CPAP: variants seen among roughly 807,000 people sequenced by gnomAD.
The protein encoded by CPAP is centrosome assembly and centriole elongation protein.
the CPAP span, chr13:24,905,382 C>A: frequency 2.6e-5 from 42 of 1,613,950 alleles, no homozygotes; most frequent in Non-Finnish European, 3.4e-5. Flanking sequence ...AACTTGAGTT[C>A]ATTTCCCAAG....
the CPAP span, among the ~76,000 whole-genome samples, chr13:24,912,425 C>T: frequency 1.3e-5 from 2 of 152,180 alleles, no homozygotes; most frequent in Admixed American, 6.5e-5. Context: ...TAATTAAACA[C>T]ACTTAAATGT....
At chr13:24,921,311 G>GC in the CPAP span, among the ~76,000 whole-genome samples, 1 of 151,818 alleles carries the variant, frequency 6.6e-6, no homozygotes, top group South Asian at 2.1e-4. Flanking sequence ...TTCTCGAAGA[G>GC]CGACAGATAT....
At chr13:24,892,645 C>T in the CPAP span, 1 of 1,613,862 alleles carries the variant, frequency 6.2e-7, no homozygotes, top group Non-Finnish European at 8.5e-7. Context: ...CTGCCTACCG[C>T]AAGCTTGTCC....
chr13:24,886,131 C>T, the CPAP span: 8 of 417,844 alleles, frequency 1.9e-5, no homozygotes, highest in Non-Finnish European at 2.8e-5. Flanking sequence ...AAAATAAACA[C>T]GCCCCCACCA....
At chr13:24,891,317 C>T in the CPAP span, among the ~76,000 whole-genome samples, 1 of 152,124 alleles carries the variant, frequency 6.6e-6, no homozygotes, top group African/African-American at 2.4e-5. Flanking sequence ...CTGCCCAGTG[C>T]TGTATCACAC....
the CPAP span, chr13:24,912,948 C>A: frequency 6.2e-7 from 1 of 1,614,170 alleles, no homozygotes; most frequent in Non-Finnish European, 8.5e-7. Context: ...TGACCCCAGC[C>A]CGAGAAGGAT....
chr13:24,914,935 C>T, the CPAP span, among the ~76,000 whole-genome samples: 8 of 151,912 alleles, frequency 5.3e-5, no homozygotes, highest in Admixed American at 3.9e-4. Context: ...ATTAGCCAGG[C>T]GTCAGGGTGC....
At chr13:24,919,912 T>A in the CPAP span, among the ~76,000 whole-genome samples, 73 of 152,210 alleles carry the variant, frequency 4.8e-4, no homozygotes, top group African/African-American at 1.7e-3. Context: ...TACAGGTATG[T>A]GTCACCATGC....
the CPAP span, among the ~76,000 whole-genome samples, chr13:24,891,527 A>T: frequency 6.6e-6 from 1 of 152,090 alleles, no homozygotes; most frequent in Non-Finnish European, 1.5e-5. Context: ...AACTAAGCAC[A>T]GTTGAGGCCA....
At chr13:24,923,077 G>A in the CPAP span, among the ~76,000 whole-genome samples, 5 of 152,222 alleles carry the variant, frequency 3.3e-5, no homozygotes, top group African/African-American at 4.8e-5. Context: ...ACCGTTTCCG[G>A]GAGAGACCTT....
the CPAP span, chr13:24,884,534 C>A: frequency 2.0e-6 from 3 of 1,483,514 alleles, no homozygotes; most frequent in Non-Finnish European, 2.8e-6. Flanking sequence ...CTCCTCCCAA[C>A]TGCCTACTTT....
the CPAP span, among the ~76,000 whole-genome samples, chr13:24,893,400 C>T: frequency 1.3e-5 from 2 of 152,214 alleles, no homozygotes; most frequent in African/African-American, 2.4e-5. Flanking sequence ...TTCGAGATCA[C>T]GTGCAGCTGC....
the CPAP span, chr13:24,912,728 G>C: frequency 6.2e-7 from 1 of 1,614,174 alleles, no homozygotes; most frequent in Non-Finnish European, 8.5e-7. Flanking sequence ...TTAATGCAAG[G>C]AAAGGCTGTA....
At chr13:24,884,495 A>G in the CPAP span, 2 of 1,612,520 alleles carry the variant, frequency 1.2e-6, no homozygotes, top group South Asian at 1.1e-5. Context: ...ATCACCTAAG[A>G]TTTTCTCCTG....
At chr13:24,895,936 AAT>A in the CPAP span, among the ~76,000 whole-genome samples, 12 of 152,340 alleles carry the variant, frequency 7.9e-5, no homozygotes, top group East Asian at 7.7e-4. Context: ...CCCAAAATAA[AAT>A]AGTTAATATT....
the CPAP span, among the ~76,000 whole-genome samples, chr13:24,918,122 C>A: frequency 6.6e-6 from 1 of 152,058 alleles, no homozygotes; most frequent in Admixed American, 6.6e-5. Context: ...GATGTATGAA[C>A]AATTTTTAAA....
the CPAP span, chr13:24,886,335 G>C: frequency 7.8e-7 from 1 of 1,289,256 alleles, no homozygotes; most frequent in Non-Finnish European, 1.0e-6. Context: ...GAGAGCGGAG[G>C]CAGGTGGTCA....
At chr13:24,895,663 T>G in the CPAP span, among the ~76,000 whole-genome samples, 1 of 152,274 alleles carries the variant, frequency 6.6e-6, no homozygotes, top group Non-Finnish European at 1.5e-5. Context: ...CAGAAAGCAG[T>G]GCTCTCAAAA....
the CPAP span, among the ~76,000 whole-genome samples, chr13:24,932,457 C>CA: frequency 6.6e-6 from 1 of 152,204 alleles, no homozygotes; most frequent in South Asian, 2.1e-4. Flanking sequence ...GCCTGGGTGT[C>CA]AGAGTGAGAC....
Sources: allele counts gnomAD v4.1 joint callset (sites outside exome capture counted in the v4.1 genomes callset), GRCh38; gene constraint gnomAD v4.1.1; transcripts MANE v1.5; gene names NCBI Gene and HGNC (gene_info 2026-07-23, HGNC 2026-07-21).